The following DZIP3 variants were observed in gnomAD, a reference collection of about 807,000 sequenced individuals.
DZIP3 encodes DAZ interacting zinc finger protein 3, also known as E3 ubiquitin-protein ligase DZIP3.
Under a neutral mutation model 162.0 loss-of-function variants are expected in DZIP3, and 118 were observed. That is an observed-to-expected ratio of 0.73 (90% confidence interval 0.63 to 0.85). The LOEUF is 0.85. Among genes scored for constraint, DZIP3 ranks in the 40% least tolerant of loss-of-function variants. The pLI is 0.00. For synonymous variants in DZIP3, 438 were observed against 458.6 expected (o/e 0.96, Z 0.57); for missense variants, 1,331 against 1,407.0 (o/e 0.95, Z 0.86).
At chr3:108,606,927 A>C (rs1172495120) in intron 2 of DZIP3, among the ~76,000 whole-genome samples, 1 of 152,168 alleles carries the variant, frequency 6.6e-6, no homozygotes, top group African/African-American at 2.4e-5. Flanking sequence ...TTAAAGAGGG[A>C]ATGATCATGA....
chr3:108,684,181 G>GT (rs1944419117), intron 26 of DZIP3, 35 bp from the exon 27 acceptor site: 1 of 1,567,322 alleles, frequency 6.4e-7, no homozygotes. Context: ...GTGGGGGGGG[G>GT]TGTTGTTTAT....
chr3:108,611,159 A>G lies in DZIP3; in HGVS notation c.103-15A>G. 1 of 1,561,062 alleles carries G rather than the reference A, an allele frequency of 6.4e-7. No individual in the cohort carries two copies. The highest frequency in any genetic ancestry group is 8.6e-7 in the Non-Finnish European group (1 of 1,161,938). On this transcript the variant is annotated splice_polypyrimidine_tract_variant and intron_variant, in intron 3 of 32. Transcript: ENST00000361582. ...ATGCAAACTGTGTAAATTTTTAATC[A>G]ATAATGTCTTCTAGAACAAACAGGA...
intron 7 of DZIP3, among the ~76,000 whole-genome samples, chr3:108,627,624 G>A (rs1361084973): frequency 1.3e-5 from 2 of 152,146 alleles, no homozygotes; most frequent in Non-Finnish European, 2.9e-5. Flanking sequence ...GGATTCAGGT[G>A]TCCTTTCTAG....
chr3:108,652,349 C>A (rs991671099), intron 18 of DZIP3, among the ~76,000 whole-genome samples: 5 of 151,846 alleles, frequency 3.3e-5, no homozygotes. Flanking sequence ...TTTTCAATCC[C>A]AAACATCCTT....
At chr3:108,599,219 G>A (rs891475467) in intron 1 of DZIP3, among the ~76,000 whole-genome samples, 5 of 152,146 alleles carry the variant, frequency 3.3e-5, no homozygotes, top group African/African-American at 1.2e-4. Context: ...CATAAACAGT[G>A]ATCTTTTGGG....
intron 5 of DZIP3, among the ~76,000 whole-genome samples, chr3:108,618,761 G>A (rs1451445381): frequency 2.6e-5 from 4 of 152,032 alleles, no homozygotes; most frequent in Non-Finnish European, 4.4e-5. Flanking sequence ...AGTTAGATCA[G>A]TATAAACAGA....
chr3:108,680,526 T>C (rs931216770), intron 26 of DZIP3, among the ~76,000 whole-genome samples: 13 of 151,760 alleles, frequency 8.6e-5, no homozygotes, highest in Admixed American at 7.2e-4. Context: ...ATTAAGAAAA[T>C]CCCATTTACA....
chr3:108,597,674 G>A (rs1042860568), intron 1 of DZIP3, among the ~76,000 whole-genome samples: 6 of 152,064 alleles, frequency 3.9e-5, no homozygotes, highest in African/African-American at 1.4e-4. Context: ...AGCTGTTTTC[G>A]AAGACAGTAG....
intron 32 of DZIP3, among the ~76,000 whole-genome samples, chr3:108,692,499 CTGT>C (rs971851668): frequency 1.3e-5 from 2 of 152,210 alleles, no homozygotes; most frequent in African/African-American, 2.4e-5. Context: ...TGTTGAACAA[CTGT>C]TGTTGTTCTA....
chr3:108,627,736 C>T (rs1293198536), intron 7 of DZIP3, among the ~76,000 whole-genome samples: 1 of 152,142 alleles, frequency 6.6e-6, no homozygotes, highest in Non-Finnish European at 1.5e-5. Context: ...AGATCCACTC[C>T]CACTCATGTT....
intron 1 of DZIP3, among the ~76,000 whole-genome samples, chr3:108,603,661 A>ATC (rs573912944): frequency 2.6e-5 from 4 of 152,148 alleles, no homozygotes; most frequent in African/African-American, 9.7e-5. Context: ...TTAGAAGGAA[A>ATC]TCTCTCTCTC....
intron 14 of DZIP3, 47 bp from the exon 15 acceptor site, chr3:108,646,570 G>A (rs750510640): frequency 7.5e-7 from 1 of 1,329,618 alleles, no homozygotes; most frequent in Non-Finnish European, 1.1e-6. Context: ...ACATTCATTT[G>A]TTGCGTTTGC....
chr3:108,650,054 C>T (rs1161317751), intron 17 of DZIP3, among the ~76,000 whole-genome samples: 1 of 151,806 alleles, frequency 6.6e-6, no homozygotes, highest in Non-Finnish European at 1.5e-5. Context: ...AAATTCACAG[C>T]TGTCAAACCA....
At chr3:108,612,887 AAGTAAAATACTG>A (rs1940796723) in intron 4 of DZIP3, among the ~76,000 whole-genome samples, 1 of 152,164 alleles carries the variant, frequency 6.6e-6, no homozygotes. Flanking sequence ...ATGATAACAA[AAGTAAAATACTG>A]AGTAAAATAC....
intron 1 of DZIP3, among the ~76,000 whole-genome samples, chr3:108,601,021 T>A (rs879395523): frequency 6.6e-6 from 1 of 152,212 alleles, no homozygotes; most frequent in African/African-American, 2.4e-5. Context: ...ATACTTTATG[T>A]CATTTTGCTT....
At chr3:108,666,523 C>G (rs116451276) in intron 21 of DZIP3, among the ~76,000 whole-genome samples, 2,112 of 152,196 alleles carry the variant, frequency 0.014, 52 homozygotes, top group African/African-American at 0.049. Flanking sequence ...ACCTCAATAA[C>G]CACCATCAAC....
At chr3:108,629,913 C>G (rs1178850225) in intron 8 of DZIP3, among the ~76,000 whole-genome samples, 1 of 151,810 alleles carries the variant, frequency 6.6e-6, no homozygotes, top group Non-Finnish European at 1.5e-5. Context: ...TTAATTTGCT[C>G]AACTAGTTCC....
At chr3:108,616,911 C>G (rs572006157) in intron 5 of DZIP3, among the ~76,000 whole-genome samples, 1 of 152,078 alleles carries the variant, frequency 6.6e-6, no homozygotes, top group African/African-American at 2.4e-5. Context: ...AGTCTCCTTC[C>G]CTACCACAAA....
intron 19 of DZIP3, among the ~76,000 whole-genome samples, chr3:108,657,445 T>C (rs1943185642): frequency 6.6e-6 from 1 of 152,030 alleles, no homozygotes; most frequent in African/African-American, 2.4e-5. Context: ...TGCTGAGAGA[T>C]TTTTGTCACC....
Sources: allele counts gnomAD v4.1 joint callset (sites outside exome capture counted in the v4.1 genomes callset), GRCh38; gene constraint gnomAD v4.1.1; transcripts MANE v1.5; gene names NCBI Gene and HGNC (gene_info 2026-07-23, HGNC 2026-07-21).